Variants in MUC4 observed in about 807,000 individuals in gnomAD.
MUC4 encodes the protein mucin 4, cell surface associated.
Under a neutral mutation model 257.9 loss-of-function variants are expected in MUC4, and 202 were observed. That is an observed-to-expected ratio of 0.78 (90% CI 0.70 to 0.88). MUC4 has a LOEUF of 0.88. Among genes scored for constraint, MUC4 ranks in the 40% least tolerant of loss-of-function variants. The pLI is 0.00. For synonymous variants in MUC4, 2,351 were observed against 2,757.1 expected (o/e 0.85, Z 4.62); for missense variants, 5,976 against 6,513.7 (o/e 0.92, Z 2.84).
At chr3:195,752,329 G>A (rs202062227) in intron 21 of MUC4, 44 bp downstream of exon 21, 8 of 1,543,646 alleles carry the variant, frequency 5.2e-6, no homozygotes, top group African/African-American at 1.4e-5. Flanking sequence ...GCCTGAACCC[G>A]CCAAGCGCCC....
chr3:195,778,662 CTCCCCTGTGGGACCTG>C, intron 2 of MUC4, 112 bp downstream of exon 2: 1 of 1,292,132 alleles, frequency 7.7e-7, no homozygotes, highest in Non-Finnish European at 1.1e-6. Flanking sequence ...CCATCACCTC[CTCCCCTGTGGGACCTG>C]ACACGGCCCC....
chr3:195,769,483 A>C (rs1722327453), intron 6 of MUC4: 3 of 302,494 alleles, frequency 9.9e-6, no homozygotes, highest in Non-Finnish European at 1.9e-5. Flanking sequence ...AAGATACCAG[A>C]GAGCTAGAGA....
At chr3:195,778,728 T>C in intron 2 of MUC4, 62 bp downstream of exon 2, 1 of 1,498,940 alleles carries the variant, frequency 6.7e-7, no homozygotes, top group Non-Finnish European at 9.0e-7. Flanking sequence ...CAGGTACTCC[T>C]TAGGCTGAAT....
chr3:195,767,611 G>GCCACCACCATCACCA (rs1721250838), intron 7 of MUC4, among the ~76,000 whole-genome samples: 1 of 14,734 alleles, frequency 6.8e-5, no homozygotes, highest in Non-Finnish European at 1.8e-4. Flanking sequence ...CATCACCATT[G>GCCACCACCATCACCA]CCACCACCAT....
At chr3:195,807,685 C>T (rs930809705) in intron 1 of MUC4, among the ~76,000 whole-genome samples, 7 of 152,156 alleles carry the variant, frequency 4.6e-5, no homozygotes, top group Admixed American at 4.6e-4. Context: ...GGTCTCTGTC[C>T]TGGCCTTCAG....
At chr3:195,799,826 G>T (rs1735070916) in intron 1 of MUC4, among the ~76,000 whole-genome samples, 1 of 152,134 alleles carries the variant, frequency 6.6e-6, no homozygotes. Context: ...TATTAATACA[G>T]ACTGCCAAAT....
Position 195,788,870 on chromosome 3 carries a change from T to A in MUC4, c.2710A>T (p.Ile904Phe). Residue 904 changes from isoleucine (I) to phenylalanine (F), a missense_variant, in exon 2 of 25, where the codon ATT becomes TTT. Transcript: ENST00000463781. ...CTCTGAGTCTGGGCCATCCGGGAAA[T>A]GGCGGCTGTCTCCTGAGGAGAGGCA... ...PSASPQETAA[I>F]SRMAQTQRTR... The A allele has an allele frequency of 3.1e-6, 5 of 1,613,760 alleles. No individual in the cohort carries two copies. Among genetic ancestry groups the A allele is most frequent in the South Asian group, 2.2e-5 (2 of 91,064 alleles).
chr3:195,757,605 C>T lies in MUC4; in HGVS notation c.14987-277G>A, dbSNP rs1338322806. On this transcript the variant is annotated intron_variant, in intron 17 of 24. Transcript: ENST00000463781. This position sits in a 1 kb window ranked among gnomAD's most constrained non-coding sequence, Gnocchi z 4.8. Reference sequence around the variant, plus strand: ...CCTGAAGAAACCCCAAAGGGCAGCCCTGGCTGGGCTCACACCAGGATGGGA... The same window carrying T: ...CCTGAAGAAACCCCAAAGGGCAGCCTTGGCTGGGCTCACACCAGGATGGGA... Among the ~76,000 whole-genome samples the T allele has an allele frequency of 6.6e-6, 1 of 152,156 alleles. No homozygotes were observed. The highest frequency in any genetic ancestry group is 1.5e-5 in the Non-Finnish European group (1 of 68,014).
At chr3:195,773,832 C>T (rs1723736849) in intron 4 of MUC4, among the ~76,000 whole-genome samples, 2 of 152,356 alleles carry the variant, frequency 1.3e-5, no homozygotes, top group South Asian at 2.1e-4. Context: ...GCCACAGGAG[C>T]CAGGACTGTC....
At chr3:195,763,920 C>T (rs1719805024) in intron 11 of MUC4, 125 bp downstream of exon 11, 22 of 1,380,568 alleles carry the variant, frequency 1.6e-5, no homozygotes, top group East Asian at 7.6e-5. Flanking sequence ...CCATCACTGG[C>T]GTCATCTCCA....
In MUC4 at chr3:195,789,355, T is replaced by C; in HGVS notation, c.2225A>G (p.Asn742Ser). 1 of 1,613,756 alleles carries C rather than the reference T, an allele frequency of 6.2e-7. No individual in the cohort carries two copies. Among genetic ancestry groups the C allele is most frequent in the Non-Finnish European group, 8.5e-7 (1 of 1,179,832 alleles). Residue 742 changes from asparagine (N) to serine (S), a missense_variant, in exon 2 of 25, where the codon AAC becomes AGC. By Grantham distance (46) the Asn-to-Ser change is conservative. This residue lies in a region of MUC4 where 1,583 missense variants were observed against 1,257.4 expected (regional missense o/e 1.26). Transcript: ENST00000463781. Reference protein sequence around the residue: ...LSKTGALTLANSVVSTPGGPE... With the variant: ...LSKTGALTLASSVVSTPGGPE... ...GCCCCCTGGTGTTGACACTACAGAG[T>C]TGGCCAGAGTAAGGGCACCTGTTTT...
At chr3:195,797,088 C>T (rs1027579278) in intron 1 of MUC4, among the ~76,000 whole-genome samples, 3 of 151,888 alleles carry the variant, frequency 2.0e-5, no homozygotes, top group African/African-American at 7.3e-5. Context: ...GGTAAAAATA[C>T]AAAAAATTTG....
chr3:195,767,648 CCACCACCACCACCACCATCACCAT>C (rs1721328738), intron 7 of MUC4, among the ~76,000 whole-genome samples: 3 of 95,910 alleles, frequency 3.1e-5, no homozygotes, highest in East Asian at 5.7e-4. Context: ...ACCATCGCCA[CCACCACCACCACCACCATCACCAT>C]CACCACCATC....
chr3:195,779,502 G>A lies in MUC4; in HGVS notation c.12078C>T (p.Ser4026=), dbSNP rs1195957434. 1.1e-4 allele frequency: 143 copies of A among 1,247,840 alleles called. 35 individuals carry two copies. The African/African-American group carries it at 1.5e-3, about 13-fold the overall frequency. 77.3% of individuals were successfully genotyped at this position (1,247,840 alleles called of 1,614,324 possible). The change falls in exon 2 of 25, where the codon TCC becomes TCT. Residue 4026 remains serine (S), a synonymous_variant. Coordinates refer to ENST00000463781, the MANE Select transcript of MUC4 (RefSeq NM_018406.7). Reference sequence around the variant, plus strand: ...CAGGAACAGGGGTGGCGTGACCTGTGGATGCTGAGGAAGGGCTGGTGACAG... The same window carrying A: ...CAGGAACAGGGGTGGCGTGACCTGTAGATGCTGAGGAAGGGCTGGTGACAG... ...PLPVTSPSSA[S]TGHATPVPVT...
chr3:195,806,678 G>A (rs912204630), intron 1 of MUC4, among the ~76,000 whole-genome samples: 2 of 152,208 alleles, frequency 1.3e-5, no homozygotes, highest in Non-Finnish European at 2.9e-5. Context: ...CTCCGTCGGT[G>A]GGCTGGGCTG....
rs182879429 is a variant in MUC4 at position 195,764,233 on chromosome 3, G to A, written c.13925-69C>T. 354 of 1,500,578 alleles carry A rather than the reference G, an allele frequency of 2.4e-4. 2 individuals carry two copies. In the African/African-American group the frequency reaches 4.7e-3, roughly 20 times the overall value. The allele number at this position is 1,500,578 out of a possible 1,614,324, so 93.0% of individuals were successfully genotyped here. ...AAGCTTGGCAGGGCAGGGTGGTGTT[G>A]GTTGAGAGCTTGGCAGGGCAGGGCG... On this transcript the variant is annotated intron_variant, in intron 10 of 24. Coordinates refer to ENST00000463781, the MANE Select transcript of MUC4 (RefSeq NM_018406.7).
intron 1 of MUC4, among the ~76,000 whole-genome samples, chr3:195,811,288 C>T (rs58842102): frequency 6.6e-6 from 1 of 151,852 alleles, no homozygotes; most frequent in South Asian, 2.1e-4. Context: ...ATTCTCCTGC[C>T]TCAGACTCCT....
intron 6 of MUC4, 62 bp downstream of exon 6, chr3:195,770,154 C>T: frequency 5.5e-6 from 8 of 1,442,592 alleles, no homozygotes; most frequent in Non-Finnish European, 7.3e-6. Flanking sequence ...TGGCCCCTGC[C>T]TAGGATTCTA....
intron 3 of MUC4, 53 bp from the exon 4 acceptor site, chr3:195,774,358 A>C: frequency 1.4e-6 from 2 of 1,473,026 alleles, no homozygotes; most frequent in African/African-American, 1.5e-5. Flanking sequence ...GGCCTTCTTT[A>C]GGGCTGAAAG....
Sources: allele counts gnomAD v4.1 joint callset (sites outside exome capture counted in the v4.1 genomes callset), GRCh38; gene constraint gnomAD v4.1.1; regional missense constraint gnomAD v4.1.1; non-coding constraint Gnocchi (gnomAD v3.1); transcripts MANE v1.5; gene names NCBI Gene and HGNC (gene_info 2026-07-23, HGNC 2026-07-21).